DYNC1H1: variants seen among roughly 807,000 people sequenced by gnomAD.
DYNC1H1 encodes the protein dynein cytoplasmic 1 heavy chain 1, also known as cytoplasmic dynein 1 heavy chain 1.
Under a neutral mutation model 527.1 loss-of-function variants are expected in DYNC1H1, and 51 were observed. The ratio of observed to expected loss-of-function variants is 0.10; its 90% CI spans 0.08 to 0.12. The LOEUF (loss-of-function observed/expected upper bound fraction) is 0.12, where lower values mean the gene tolerates loss of function less well. Ranked by LOEUF, DYNC1H1 falls within the 10% of genes least tolerant of loss-of-function variation. DYNC1H1 has a pLI of 1.00. For synonymous variants in DYNC1H1, 2,189 were observed against 2,278.8 expected (o/e 0.96, Z 1.12); for missense variants, 2,771 against 5,971.8 (o/e 0.46, Z 17.66).
chr14:102,017,478 C>T lies in DYNC1H1; in HGVS notation c.8151C>T (p.Asp2717=). 3 of 1,614,204 alleles carry T rather than the reference C, an allele frequency of 1.9e-6. No homozygotes were observed. Among genetic ancestry groups the T allele is most frequent in the Non-Finnish European group, 2.5e-6 (3 of 1,180,050 alleles). ...TTGGGGCTTGTAATCCCCCCACAGA[C>T]CCTGGAAGAAAGCCCCTCTCACACA... ...QFVGACNPPT[D]PGRKPLSHRF... is the part of the protein sequence containing the mutation. Residue 2717 remains aspartate, a synonymous_variant, in exon 40 of 78, where the codon GAC becomes GAT. Coordinates refer to ENST00000360184, the MANE Select transcript of DYNC1H1 (RefSeq NM_001376.5). The surrounding 1 kb of genome is among the most constrained non-coding windows in gnomAD (Gnocchi z 4.6).
intron 69 of DYNC1H1, chr14:102,043,096 A>C: frequency 2.8e-6 from 1 of 355,782 alleles, no homozygotes; most frequent in South Asian, 2.3e-5. Flanking sequence ...AGCATGGCCA[A>C]CATGGTGAAA....
At position 102,022,809 on chromosome 14, in the gene DYNC1H1, A is replaced by G; in HGVS notation, c.8566A>G (p.Lys2856Glu). The change falls in exon 43 of 78, where the codon AAG becomes GAG. Residue 2856 changes from lysine (K) to glutamate (E), a missense_variant. By Grantham distance (56) the Lys-to-Glu change is moderately conservative (BLOSUM62 1). Coordinates refer to ENST00000360184, the MANE Select transcript of DYNC1H1 (RefSeq NM_001376.5). ...TDENIDTVALKHFPNIDREKA... is the reference protein window; with the variant it reads ...TDENIDTVALEHFPNIDREKA... ...TGAGAACATCGACACGGTTGCTCTG[A>G]AGCACTTCCCTAACATCGACAGAGA... is the stretch of plus-strand genomic sequence containing the variant. 2 of 1,614,240 alleles carry G rather than the reference A, an allele frequency of 1.2e-6. No homozygotes were observed. The highest frequency in any genetic ancestry group is 1.7e-6 in the Non-Finnish European group (2 of 1,180,048).
intron 5 of DYNC1H1, 119 bp from the exon 6 acceptor site, chr14:101,982,899 TA>T: frequency 8.3e-7 from 1 of 1,204,264 alleles, no homozygotes; most frequent in Non-Finnish European, 1.2e-6. Flanking sequence ...CAAATATGAA[TA>T]GTTTTTGTCT....
At position 102,010,736 on chromosome 14, in the gene DYNC1H1, G is replaced by C. The variant is rs374602014; in HGVS notation, c.6406-4G>C. 2.6e-5 allele frequency: 42 copies of C among 1,612,278 alleles called. No individual in the cohort carries two copies. The highest frequency in any genetic ancestry group is 3.5e-5 in the Non-Finnish European group (41 of 1,179,888). ...CTGCTCACAGCCCAGCCCTCTCCCC[G>C]TAGATTCTGATACAGAGCGTCTGTG... On this transcript the variant is annotated splice_polypyrimidine_tract_variant and splice_region_variant and intron_variant, in intron 31 of 77. Coordinates refer to ENST00000360184, the MANE Select transcript of DYNC1H1 (RefSeq NM_001376.5). The surrounding 1 kb of genome is among the most constrained non-coding windows in gnomAD (Gnocchi z 6.0).
In DYNC1H1 at chr14:101,985,076, C is replaced by T. The variant is rs770123575; in HGVS notation, c.1462-611C>T. ...ATTACCATGCCCAGCCCATCCAAAT[C>T]TTTAGTGTTTTCCATCCATTTATCC... On this transcript the variant is annotated intron_variant, in intron 7 of 77. Coordinates refer to ENST00000360184, the MANE Select transcript of DYNC1H1 (RefSeq NM_001376.5). This position sits in a 1 kb window ranked among gnomAD's most constrained non-coding sequence, Gnocchi z 5.9. 2.6e-5 allele frequency among the ~76,000 whole-genome samples: 4 copies of T among 151,506 alleles called. No homozygotes were observed. The highest frequency in any genetic ancestry group is 5.9e-5 in the Non-Finnish European group (4 of 67,910).
chr14:102,042,196 G>A lies in DYNC1H1; in HGVS notation c.12215-32G>A. ...GTGGTGGGCATTGATGTCCGAGGCT[G>A]CCGCTGCTAACACTAAGTTTCCCTG... On this transcript the variant is annotated intron_variant, in intron 66 of 77. Coordinates refer to ENST00000360184, the MANE Select transcript of DYNC1H1 (RefSeq NM_001376.5). This position sits in a 1 kb window ranked among gnomAD's most constrained non-coding sequence, Gnocchi z 5.7. 6.2e-7 allele frequency: 1 copy of A among 1,614,050 alleles called. No individual in the cohort carries two copies. The highest frequency in any genetic ancestry group is 8.5e-7 in the Non-Finnish European group (1 of 1,180,022).
rs1321373475 is a variant in DYNC1H1 at position 101,986,267 on chromosome 14, A to T, written c.2042A>T (p.Lys681Met). Residue 681 changes from lysine (K) to methionine (M), a missense_variant, in exon 8 of 78, where the codon AAG (lysine) becomes ATG (methionine). This residue lies in a region of DYNC1H1 where 264 missense variants were observed against 619.4 expected (regional missense o/e 0.43). Coordinates refer to ENST00000360184, the MANE Select transcript of DYNC1H1 (RefSeq NM_001376.5). This position sits in a 1 kb window ranked among gnomAD's most constrained non-coding sequence, Gnocchi z 8.7. ...KGWENHVEGQ[K>M]LKQDGDSFRM... ...TGGGAGAATCACGTGGAGGGGCAGA[A>T]GCTGAAGCAGGATGGAGACAGCTTC... 1 of 1,613,978 alleles carries T rather than the reference A, an allele frequency of 6.2e-7. No individual in the cohort carries two copies.
In DYNC1H1 at chr14:102,029,942, TG is replaced by T. The variant is rs1341822110; in HGVS notation, c.9762+6del. 4 of 1,613,806 alleles carry T rather than the reference TG, an allele frequency of 2.5e-6. No homozygotes were observed. The African/African-American group carries it at 5.3e-5, about 22-fold the overall frequency. On this transcript the variant is annotated splice_donor_5th_base_variant and intron_variant, in intron 50 of 77. Transcript: ENST00000360184. The surrounding 1 kb of genome is among the most constrained non-coding windows in gnomAD (Gnocchi z 5.3). ...GCAGGAGGCTGAAAAGAAGAAGGTA[TG>T]GTGTCAGGGAATTCTGGCCTGTAAG...
intron 28 of DYNC1H1, among the ~76,000 whole-genome samples, chr14:102,007,903 G>A (rs1282438512): frequency 2.6e-5 from 4 of 152,218 alleles, no homozygotes; most frequent in African/African-American, 7.2e-5. Flanking sequence ...TGGCTTGCAC[G>A]TGGCTATTTT....
At position 101,979,500 on chromosome 14, in the gene DYNC1H1, CTG is replaced by C. The variant is rs1267249605; in HGVS notation, c.518+11_518+12del. The C allele has an allele frequency of 6.2e-7, 1 of 1,614,028 alleles. No homozygotes were observed. Among genetic ancestry groups the C allele is most frequent in the Non-Finnish European group, 8.5e-7 (1 of 1,180,002 alleles). On this transcript the variant is annotated intron_variant, in intron 3 of 77. Transcript: ENST00000360184. The surrounding 1 kb of genome is among the most constrained non-coding windows in gnomAD (Gnocchi z 4.6). ...GTCTGGCAAGGCAGACAGGTAAAAACTGTGGTTTGAATGTTATATTTCACTTA... is the reference window on the plus strand; with the variant it reads ...GTCTGGCAAGGCAGACAGGTAAAAACTGGTTTGAATGTTATATTTCACTTA...
chr14:102,034,496 TGGTGATCTTGA>T, intron 56 of DYNC1H1, 44 bp downstream of exon 56: 1 of 1,611,360 alleles, frequency 6.2e-7, no homozygotes, highest in Non-Finnish European at 8.5e-7. Flanking sequence ...GGAATGTGGG[TGGTGATCTTGA>T]ATTTTTTTCA....
intron 11 of DYNC1H1, among the ~76,000 whole-genome samples, chr14:101,993,967 A>C (rs564398694): frequency 2.4e-4 from 37 of 152,258 alleles, no homozygotes; most frequent in African/African-American, 8.7e-4. Context: ...GCATTGCCAA[A>C]TTTCTCTGTT....
intron 11 of DYNC1H1, among the ~76,000 whole-genome samples, 186 bp from the exon 12 acceptor site, chr14:101,993,998 G>T (rs2048027741): frequency 6.6e-6 from 1 of 152,268 alleles, no homozygotes; most frequent in Non-Finnish European, 1.5e-5. Context: ...TTCTTGTATT[G>T]GTTTGATGAG....
Position 102,031,725 on chromosome 14 carries a change from C to T in DYNC1H1, c.9884-547C>T, listed in dbSNP as rs186139534. ...ATCCCAGCACTTTGGGAGGCAGGGG[C>T]GGGTGGATCACCTGAGGTCGGGAGT... is the stretch of plus-strand genomic sequence containing the variant. On this transcript the variant is annotated intron_variant, in intron 51 of 77. Transcript: ENST00000360184. Among the ~76,000 whole-genome samples, 14 of 152,212 alleles carry T rather than the reference C, an allele frequency of 9.2e-5. No homozygotes were observed. The East Asian group carries it at 2.3e-3, about 25-fold the overall frequency.
In DYNC1H1 at chr14:102,038,164, A is replaced by G; in HGVS notation, c.10909-296A>G. The stretch of plus-strand genomic sequence containing the variant: ...CAGCTAACTTTCGTATTTTTAGTAG[A>G]GATGGAGTTTCACCATGTTGGCCAG... On this transcript the variant is annotated intron_variant, in intron 57 of 77. Transcript: ENST00000360184. This position sits in a 1 kb window ranked among gnomAD's most constrained non-coding sequence, Gnocchi z 7.2. 2 of 419,884 alleles carry G rather than the reference A, an allele frequency of 4.8e-6. No individual in the cohort carries two copies. The highest frequency in any genetic ancestry group is 9.0e-6 in the Non-Finnish European group (2 of 222,752). 26.0% of individuals were successfully genotyped at this position (419,884 alleles called of 1,614,324 possible). A position where few individuals can be genotyped will look rare whatever the true frequency, so the allele number is the denominator to read the frequency against.
intron 1 of DYNC1H1, among the ~76,000 whole-genome samples, chr14:101,974,640 G>A (rs1595595259): frequency 6.6e-6 from 1 of 151,946 alleles, no homozygotes; most frequent in African/African-American, 2.4e-5. Flanking sequence ...TAGAAATTTG[G>A]TTCACATGCT....
chr14:101,995,811 A>C (rs985595333), intron 15 of DYNC1H1, among the ~76,000 whole-genome samples: 1 of 152,110 alleles, frequency 6.6e-6, no homozygotes, highest in Non-Finnish European at 1.5e-5. Context: ...CTGTAATCCC[A>C]GAACTTTGGG....
chr14:102,009,499 T>G, intron 29 of DYNC1H1: 2 of 319,750 alleles, frequency 6.3e-6, no homozygotes, highest in Non-Finnish European at 1.2e-5. Flanking sequence ...GTCGCGGCAT[T>G]TATTCCTTTT....
intron 64 of DYNC1H1, 42 bp downstream of exon 64, chr14:102,040,715 G>A: frequency 3.1e-6 from 5 of 1,612,002 alleles, no homozygotes; most frequent in Non-Finnish European, 4.2e-6. Flanking sequence ...TGAATGTAAA[G>A]TTGGGTTTTG....
Sources: gnomAD v4.1 joint callset for allele counts (sites outside exome capture counted in the v4.1 genomes callset) on GRCh38, gnomAD v4.1.1 for gene constraint, gnomAD v4.1.1 regional missense constraint, Gnocchi (gnomAD v3.1) non-coding constraint, MANE v1.5 for transcripts, NCBI Gene and HGNC (gene_info 2026-07-23, HGNC 2026-07-21) for gene names.